Variants in PPP1R13B observed in about 807,000 individuals in gnomAD.
The protein encoded by PPP1R13B is apoptosis-stimulating of p53 protein 1.
Under a neutral mutation model 119.8 loss-of-function variants are expected in PPP1R13B, and 44 were observed. The observed-to-expected ratio is 0.37, with a 90% CI of 0.29 to 0.47. The LOEUF (loss-of-function observed/expected upper bound fraction) is 0.47. PPP1R13B is among the 20% of genes least tolerant of loss of function. The pLI is 0.99. For synonymous variants in PPP1R13B, 542 were observed against 561.5 expected, an observed-to-expected ratio of 0.97 and a Z score of 0.49; for missense variants, 1,227 against 1,413.5, an observed-to-expected ratio of 0.87 and a Z score of 2.12.
intron 4 of PPP1R13B, among the ~76,000 whole-genome samples, chr14:103,768,063 G>C (rs2084976638): frequency 6.7e-6 from 1 of 150,360 alleles, no homozygotes; most frequent in African/African-American, 2.4e-5. Flanking sequence ...GCATAGAATT[G>C]TTTTAAAAAT....
intron 4 of PPP1R13B, among the ~76,000 whole-genome samples, chr14:103,774,730 T>TA (rs1567113118): frequency 6.6e-6 from 1 of 152,200 alleles, no homozygotes; most frequent in Non-Finnish European, 1.5e-5. Context: ...AGCATGTCAT[T>TA]ATTCTATAAC....
intron 1 of PPP1R13B, among the ~76,000 whole-genome samples, chr14:103,798,668 T>C (rs138466551): frequency 1.3e-5 from 2 of 152,258 alleles, no homozygotes; most frequent in Non-Finnish European, 2.9e-5. Context: ...AAATACATTA[T>C]AGTGTATTTG....
chr14:103,817,375 A>T (rs903507056), intron 1 of PPP1R13B, among the ~76,000 whole-genome samples: 19 of 152,150 alleles, frequency 1.2e-4, no homozygotes, highest in Non-Finnish European at 2.2e-4. Flanking sequence ...CAAAATGAAG[A>T]CTACACATAA....
intron 1 of PPP1R13B, among the ~76,000 whole-genome samples, chr14:103,840,990 A>G (rs1254014052): frequency 1.3e-5 from 2 of 152,106 alleles, no homozygotes; most frequent in African/African-American, 4.8e-5. Context: ...AAACATATTA[A>G]TTAAAAATTT....
rs138466278 is a variant in PPP1R13B, at chr14:103,835,522, T to C, written c.9+11777A>G. Among the ~76,000 whole-genome samples the C allele has an allele frequency of 7.3e-3, 1,115 of 151,852 alleles. 27 individuals are homozygous for C. In the East Asian group the frequency reaches 0.075, roughly 10 times the overall value. ...CATACCTCACTGCAGCCTCAACTTC[T>C]GGGTTCAAGCGATCCTAGTGCCTTA... On this transcript the variant is annotated intron_variant, in intron 1 of 16. Transcript: ENST00000202556.
chr14:103,742,638 A>G lies in PPP1R13B; in HGVS notation c.1320+16T>C, dbSNP rs769197459. 6.2e-7 allele frequency: 1 copy of G among 1,611,922 alleles called. No individual in the cohort carries two copies. Among genetic ancestry groups the G allele is most frequent in the South Asian group, 1.1e-5 (1 of 90,866 alleles). On this transcript the variant is annotated intron_variant, in intron 10 of 16. Coordinates refer to ENST00000202556, the MANE Select transcript of PPP1R13B (RefSeq NM_015316.3). The surrounding 1 kb of genome is among the most constrained non-coding windows in gnomAD (Gnocchi z 4.9). ...GAAGAGCCCGCTTGTGTTCTGTGGT[A>G]AAGACACAGGCCTACCGGCTTCTCC...
chr14:103,808,504 A>G (rs920256223), intron 1 of PPP1R13B, among the ~76,000 whole-genome samples: 2 of 152,214 alleles, frequency 1.3e-5, no homozygotes, highest in African/African-American at 4.8e-5. Flanking sequence ...AAAGTTTACT[A>G]ATTTGTGTTG....
At chr14:103,806,350 G>A (rs2086017879) in intron 1 of PPP1R13B, among the ~76,000 whole-genome samples, 1 of 152,098 alleles carries the variant, frequency 6.6e-6, no homozygotes, top group South Asian at 2.1e-4. Context: ...TCTTTCTGGT[G>A]GAAAAGGAGC....
At chr14:103,790,257 A>AAG (rs927573067) in intron 2 of PPP1R13B, among the ~76,000 whole-genome samples, 3 of 151,340 alleles carry the variant, frequency 2.0e-5, no homozygotes, top group African/African-American at 7.3e-5. Context: ...AAAAAAAAAA[A>AAG]AAAGAAATGA....
At chr14:103,751,746 C>T (rs762076716) in intron 7 of PPP1R13B, among the ~76,000 whole-genome samples, 1 of 152,158 alleles carries the variant, frequency 6.6e-6, no homozygotes, top group Non-Finnish European at 1.5e-5. Flanking sequence ...TGAACATTCA[C>T]TGGAAACTGA....
At chr14:103,800,695 T>G (rs754170426) in intron 1 of PPP1R13B, among the ~76,000 whole-genome samples, 1 of 152,124 alleles carries the variant, frequency 6.6e-6, no homozygotes, top group Non-Finnish European at 1.5e-5. Context: ...AGATTTTTTT[T>G]TCTTACAAGT....
chr14:103,752,484 C>CTGAATTGTATCCTTGAAATGGA (rs1483896929), intron 7 of PPP1R13B, among the ~76,000 whole-genome samples: 2 of 150,510 alleles, frequency 1.3e-5, no homozygotes, highest in Non-Finnish European at 2.9e-5. Context: ...ACTGAAGCCA[C>CTGAATTGTATCCTTGAAATGGA]TGAATTGTAT....
intron 2 of PPP1R13B, among the ~76,000 whole-genome samples, chr14:103,785,849 C>T (rs1288576954): frequency 6.6e-6 from 1 of 152,028 alleles, no homozygotes; most frequent in Non-Finnish European, 1.5e-5. Context: ...ATAAATTGAC[C>T]AGGCCATGTT....
chr14:103,826,710 CAA>C (rs552679526), intron 1 of PPP1R13B, among the ~76,000 whole-genome samples: 10 of 88,280 alleles, frequency 1.1e-4, no homozygotes, highest in Non-Finnish European at 9.5e-5. Context: ...CTGTCTCTAC[CAA>C]AAAAAAAAAA....
chr14:103,844,251 G>A (rs1156822866), intron 1 of PPP1R13B, among the ~76,000 whole-genome samples: 1 of 150,698 alleles, frequency 6.6e-6, no homozygotes, highest in African/African-American at 2.4e-5. Context: ...TTGGCAACAG[G>A]AGTGAAACCC....
intron 4 of PPP1R13B, among the ~76,000 whole-genome samples, chr14:103,770,110 C>T (rs1179030963): frequency 6.6e-6 from 1 of 150,544 alleles, no homozygotes; most frequent in African/African-American, 2.4e-5. Context: ...CCAGACTGGT[C>T]TCAAACTCCT....
intron 4 of PPP1R13B, among the ~76,000 whole-genome samples, chr14:103,767,561 G>T (rs1300199510): frequency 6.6e-6 from 1 of 151,938 alleles, no homozygotes; most frequent in Non-Finnish European, 1.5e-5. Flanking sequence ...AATTCTTGCA[G>T]GCCAGCACCA....
chr14:103,806,500 TG>T (rs1248291513), intron 1 of PPP1R13B, among the ~76,000 whole-genome samples: 1 of 152,106 alleles, frequency 6.6e-6, no homozygotes, highest in African/African-American at 2.4e-5. Context: ...GGGGTGAGGG[TG>T]GGTGAACACC....
At chr14:103,787,383 G>A (rs188353141) in intron 2 of PPP1R13B, among the ~76,000 whole-genome samples, 1 of 152,086 alleles carries the variant, frequency 6.6e-6, no homozygotes, top group East Asian at 2.0e-4. Context: ...GGGAGGTGGA[G>A]GTTGTGGACA....
Sources: gnomAD v4.1 joint callset for allele counts (sites outside exome capture counted in the v4.1 genomes callset) on GRCh38, gnomAD v4.1.1 for gene constraint, Gnocchi (gnomAD v3.1) non-coding constraint, MANE v1.5 for transcripts, NCBI Gene and HGNC (gene_info 2026-07-23, HGNC 2026-07-21) for gene names.